NCL: variants seen among roughly 807,000 people sequenced by gnomAD.
The protein encoded by NCL is nucleolin multifunctional protein.
A neutral mutation model predicts 77.7 loss-of-function variants in NCL; 4 were observed. That is an observed-to-expected ratio of 0.05 (90% CI 0.03 to 0.12). NCL has a LOEUF of 0.12. NCL is among the 10% of genes least tolerant of loss of function. NCL has a pLI of 1.00. For missense variants in NCL, 763 were observed against 860.9 expected (o/e 0.89, Z 1.42); for synonymous variants, 344 against 297.8 (o/e 1.16, Z -1.60).
intron 7 of NCL, 95 bp from the exon 8 acceptor site, chr2:231,458,484 C>A (rs1388732727): frequency 4.9e-6 from 7 of 1,428,250 alleles, no homozygotes; most frequent in Non-Finnish European, 6.6e-6. Flanking sequence ...TAGCTCTATT[C>A]AACAAATAAT....
chr2:231,462,706 G>A (rs1305908121), intron 2 of NCL: 2 of 386,912 alleles, frequency 5.2e-6, no homozygotes, highest in East Asian at 7.2e-5. Flanking sequence ...GGCCAGGAGT[G>A]CTAAAGAGGG....
At position 231,460,694 on chromosome 2, in the gene NCL, C is replaced by CTCATCATCTTCA. The variant is rs1553647364; in HGVS notation, c.774_785dup (p.Asp258_Asp261dup). ...CTTCCTCCTCCTCTTCTTCCTCCTCCTCATCATCTTCATCATCATCATCTT... is the reference window on the plus strand; with the variant it reads ...CTTCCTCCTCCTCTTCTTCCTCCTCCTCATCATCTTCATCATCATCTTCATCATCATCATCTT... On this transcript the variant is annotated inframe_insertion, in exon 4 of 14. Transcript: ENST00000322723. 3.0e-5 allele frequency: 49 copies of CTCATCATCTTCA among 1,609,750 alleles called. No homozygotes were observed. The highest frequency in any genetic ancestry group is 4.1e-5 in the Non-Finnish European group (48 of 1,177,384).
intron 6 of NCL, among the ~76,000 whole-genome samples, chr2:231,459,447 G>A (rs1430074734): frequency 6.6e-6 from 1 of 152,110 alleles, no homozygotes; most frequent in African/African-American, 2.4e-5. Context: ...TATTCACTAT[G>A]ATGACTAGAC....
intron 3 of NCL, among the ~76,000 whole-genome samples, chr2:231,461,124 C>T (rs1442049208): frequency 6.6e-6 from 1 of 151,896 alleles, no homozygotes; most frequent in African/African-American, 2.4e-5. Context: ...ACTAAAAATA[C>T]AAAAATTAGT....
chr2:231,462,991 G>T (rs2046966351), intron 2 of NCL: 2 of 532,546 alleles, frequency 3.8e-6, no homozygotes, highest in East Asian at 6.7e-5. Context: ...ACATGTAAAA[G>T]AAATTCCCAG....
rs985667401 is a variant in NCL at position 231,455,995 on chromosome 2, G to A, written c.1832+15C>T. ...CCCTTCAAGTGGAAGCAGCACTCACGCTTCCTTCCCTTACCCTTTGGAGGA... is the reference window on the plus strand; with the variant it reads ...CCCTTCAAGTGGAAGCAGCACTCACACTTCCTTCCCTTACCCTTTGGAGGA... On this transcript the variant is annotated intron_variant, in intron 12 of 13. Coordinates refer to ENST00000322723, the MANE Select transcript of NCL (RefSeq NM_005381.3). The A allele has an allele frequency of 2.4e-5, 38 of 1,614,170 alleles. No homozygotes were observed. Among genetic ancestry groups the A allele is most frequent in the Middle Eastern group, 1.6e-4 (1 of 6,062 alleles).
At chr2:231,463,355 G>T (rs761203089) in intron 1 of NCL, 39 bp from the exon 2 acceptor site, 2 of 1,300,090 alleles carry the variant, frequency 1.5e-6, no homozygotes, top group South Asian at 1.2e-5. Context: ...CCTCCACCTC[G>T]ACATTTCAGG....
At position 231,460,539 on chromosome 2, in the gene NCL, T is replaced by C. The variant is rs1162667201; in HGVS notation, c.837A>G (p.Lys279=). Residue 279 remains lysine, a synonymous_variant, in exon 5 of 14, where the codon AAA becomes AAG. Transcript: ENST00000322723. The part of the protein sequence containing the change: ...EEEPVKEAPG[K]RKKEMAKQKA... ...TCTGTTTGGCCATTTCCTTCTTTCG[T>C]TTTCCAGGTGCTTCTTTGACAGGCT... 6.2e-7 allele frequency: 1 copy of C among 1,614,208 alleles called. No individual in the cohort carries two copies. The highest frequency in any genetic ancestry group is 2.2e-5 in the East Asian group (1 of 44,888).
rs2046855910 is a variant in NCL at position 231,453,876 on chromosome 2, G to A, written c.*1315C>T. 2 of 152,192 alleles carry A rather than the reference G, an allele frequency of 1.3e-5. No homozygotes were observed. Among genetic ancestry groups the A allele is most frequent in the South Asian group, 4.1e-4 (2 of 4,832 alleles). The allele number at this position is 152,192 out of a possible 1,614,324, so 9.4% of individuals were successfully genotyped here. A position where few individuals can be genotyped will look rare whatever the true frequency, so the allele number is the denominator to read the frequency against. On this transcript the variant is annotated 3_prime_UTR_variant, in exon 14 of 14. Coordinates refer to ENST00000322723, the MANE Select transcript of NCL (RefSeq NM_005381.3). ...GTATCACAGTTTGATTTCACTAGTT[G>A]GACTAGAACAGGTTTTTGGACTTGG...
Position 231,461,528 on chromosome 2 carries a change from A to G in NCL, c.613+12T>C, listed in dbSNP as rs199504766. On this transcript the variant is annotated intron_variant, in intron 3 of 13. Transcript: ENST00000322723. ...AATCAGAAGCCCAGTAACTACCAAG[A>G]CAACTCCTTACCATCTTCCTCATCG... 3.0e-5 allele frequency: 49 copies of G among 1,610,716 alleles called. No individual in the cohort carries two copies. Among genetic ancestry groups the G allele is most frequent in the Middle Eastern group, 1.6e-4 (1 of 6,076 alleles).
chr2:231,464,323 C>T lies in NCL; in HGVS notation c.18+13G>A. 4 of 1,590,784 alleles carry T rather than the reference C, an allele frequency of 2.5e-6. No individual in the cohort carries two copies. The highest frequency in any genetic ancestry group is 2.3e-5 in the South Asian group (2 of 87,782). On this transcript the variant is annotated intron_variant, in intron 1 of 13. Coordinates refer to ENST00000322723, the MANE Select transcript of NCL (RefSeq NM_005381.3). The stretch of plus-strand genomic sequence containing the variant: ...AGGCCTACACGTCTGCGCTCGCGCT[C>T]AAGGCCGTTTACCTTCGCGAGCTTC...
At chr2:231,457,278 T>G in intron 9 of NCL, 154 bp from the exon 10 acceptor site, 2 of 1,059,800 alleles carry the variant, frequency 1.9e-6, no homozygotes, top group Non-Finnish European at 2.9e-6. Context: ...ACTCAACATA[T>G]TAAGTACCTA....
intron 11 of NCL, 25 bp from the exon 12 acceptor site, chr2:231,456,161 T>C: frequency 6.2e-7 from 1 of 1,613,214 alleles, no homozygotes; most frequent in Non-Finnish European, 8.5e-7. Context: ...AAAATGTGAC[T>C]TTATGTGAAG....
intron 1 of NCL, chr2:231,464,020 G>C (rs1010864583): frequency 1.1e-6 from 1 of 893,018 alleles, no homozygotes; most frequent in South Asian, 2.9e-5. Context: ...CGTGCGTCAG[G>C]AGTCGAGTCC....
At position 231,453,568 on chromosome 2, in the gene NCL, G is replaced by A. The variant is rs1206705139; in HGVS notation, c.*1623C>T. ...AACTGAGCTTTTAATTCCTTATCCA[G>A]AATACAGGCTGCAAGGCCTTCCTTT... On this transcript the variant is annotated 3_prime_UTR_variant, in exon 14 of 14. Coordinates refer to ENST00000322723, the MANE Select transcript of NCL (RefSeq NM_005381.3). 3 of 157,126 alleles carry A rather than the reference G, an allele frequency of 1.9e-5. No homozygotes were observed. Among genetic ancestry groups the A allele is most frequent in the Admixed American group, 1.2e-4 (2 of 16,232 alleles). The allele number at this position is 157,126 out of a possible 1,614,324, so 9.7% of individuals were successfully genotyped here.
Position 231,461,568 on chromosome 2 carries a change from A to ATCATCTTCGTCATCC in NCL, c.570_584dup (p.Glu190_Asp194dup). The ATCATCTTCGTCATCC allele has an allele frequency of 3.1e-6, 5 of 1,613,320 alleles. No individual in the cohort carries two copies. The highest frequency in any genetic ancestry group is 4.2e-6 in the Non-Finnish European group (5 of 1,179,390). ...CTTCCTCATCGTCATCGTCATCCTC[A>ATCATCTTCGTCATCC]TCATCTTCGTCATCCTCATCGTCCT... On this transcript the variant is annotated inframe_insertion, in exon 3 of 14. Coordinates refer to ENST00000322723, the MANE Select transcript of NCL (RefSeq NM_005381.3).
At chr2:231,458,866 C>G in intron 7 of NCL, 135 bp downstream of exon 7, 1 of 970,570 alleles carries the variant, frequency 1.0e-6, no homozygotes, top group Non-Finnish European at 1.4e-6. Flanking sequence ...CATTTAATTC[C>G]CACATTAAGA....
Position 231,460,733 on chromosome 2 carries a change from G to C in NCL, c.747C>G (p.Asp249Glu), listed in dbSNP as rs140908312. 1.9e-6 allele frequency: 3 copies of C among 1,609,698 alleles called. No individual in the cohort carries two copies. The highest frequency in any genetic ancestry group is 2.6e-6 in the Non-Finnish European group (3 of 1,176,266). Reference protein sequence around the residue: ...EEDDEDEDDDDDEDDEDDDDE... With the variant: ...EEDDEDEDDDEDEDDEDDDDE... ...CATCATCATCTTCATCATCTTCGTCGTCGTCGTCATCCTCGTCCTCATCAT... is the reference window on the plus strand; with the variant it reads ...CATCATCATCTTCATCATCTTCGTCCTCGTCGTCATCCTCGTCCTCATCAT... Residue 249 changes from aspartate to glutamate, a missense_variant, in exon 4 of 14, where the codon GAC becomes GAG. Asp to Glu is a conservative substitution (Grantham distance 45). Transcript: ENST00000322723.
rs1247927711 is a variant in NCL at position 231,460,857 on chromosome 2, T to G, written c.623A>C (p.Glu208Ala). 6.2e-7 allele frequency: 1 copy of G among 1,613,802 alleles called. No homozygotes were observed. Among genetic ancestry groups the G allele is most frequent in the South Asian group, 1.1e-5 (1 of 91,060 alleles). The change falls in exon 4 of 14, where the codon GAA (glutamate) becomes GCA (alanine). Residue 208 changes from glutamate (E) to alanine (A), a missense_variant. Physicochemically the swap from Glu to Ala is moderately radical, Grantham distance 107 (BLOSUM62 -1). This residue lies in a region of NCL where 590 missense variants were observed against 570.5 expected (regional missense o/e 1.03). Transcript: ENST00000322723. ...GGCTGGTGTAGTCTCCATAGCTTCT[T>G]CTTCAGAGTCTGAAAGAGAAGTCAC... The part of the protein sequence containing the change: ...DDDDEEDDSE[E>A]EAMETTPAKG...
Sources: allele counts gnomAD v4.1 joint callset (sites outside exome capture counted in the v4.1 genomes callset), GRCh38; gene constraint gnomAD v4.1.1; regional missense constraint gnomAD v4.1.1; transcripts MANE v1.5; gene names NCBI Gene and HGNC (gene_info 2026-07-23, HGNC 2026-07-21).